Variants in ZNF619 observed in about 807,000 individuals in gnomAD.
ZNF619 encodes zinc finger protein 619.
ZNF619 carries 9 observed loss-of-function variants against 14.2 expected under a neutral mutation model. The observed-to-expected ratio is 0.64, with a 90% CI of 0.38 to 1.11. The LOEUF (loss-of-function observed/expected upper bound fraction) is 1.11. Among genes scored for constraint, ZNF619 ranks in the 50% least tolerant of loss-of-function variants. ZNF619 has a pLI of 0.01. For missense variants in ZNF619, 659 were observed against 680.1 expected, an observed-to-expected ratio of 0.97 and a Z score of 0.34; for synonymous variants, 246 against 252.8, an observed-to-expected ratio of 0.97 and a Z score of 0.26.
intron 4 of ZNF619, among the ~76,000 whole-genome samples, chr3:40,483,946 G>A (rs1244660457): frequency 1.4e-5 from 2 of 146,406 alleles, no homozygotes; most frequent in African/African-American, 5.0e-5. Flanking sequence ...TATTTTTTGA[G>A]TCAGAGTCTT....
intron 4 of ZNF619, among the ~76,000 whole-genome samples, chr3:40,485,434 T>C (rs189338232): frequency 6.6e-6 from 1 of 152,212 alleles, no homozygotes; most frequent in East Asian, 1.9e-4. Flanking sequence ...CATGAGTAGC[T>C]GGGATTACAG....
At position 40,490,358 on chromosome 3, in the gene ZNF619, G is replaced by C. The variant is rs1164500639; in HGVS notation, c.*2117G>C. On this transcript the variant is annotated 3_prime_UTR_variant, in exon 5 of 5. Transcript: ENST00000432264. ...AATGTAGAAGTGGCTTTGGAACTGA[G>C]TAATGGGTAGAGGCTTGAAAAATCT... The C allele has an allele frequency of 6.6e-6, 1 of 152,250 alleles. No individual in the cohort carries two copies. Among genetic ancestry groups the C allele is most frequent in the Non-Finnish European group, 1.5e-5 (1 of 68,054 alleles). 9.4% of individuals were successfully genotyped at this position (152,250 alleles called of 1,614,324 possible).
chr3:40,482,093 C>T (rs1275725873), intron 3 of ZNF619, 77 bp downstream of exon 3: 3 of 1,545,582 alleles, frequency 1.9e-6, no homozygotes, highest in Non-Finnish European at 2.6e-6. Flanking sequence ...GAACTAGGAT[C>T]TCTTTAATAC....
intron 4 of ZNF619, among the ~76,000 whole-genome samples, chr3:40,483,890 AG>A (rs1230838103): frequency 1.3e-5 from 2 of 152,258 alleles, no homozygotes; most frequent in Admixed American, 1.3e-4. Context: ...AGCCTCCCAA[AG>A]TGCTGGGATT....
chr3:40,489,536 A>G lies in ZNF619; in HGVS notation c.*1295A>G, dbSNP rs1208190448. 1 of 151,986 alleles carries G rather than the reference A, an allele frequency of 6.6e-6. No homozygotes were observed. Among genetic ancestry groups the G allele is most frequent in the African/African-American group, 2.4e-5 (1 of 41,382 alleles). 9.4% of individuals were successfully genotyped at this position (151,986 alleles called of 1,614,324 possible). On this transcript the variant is annotated 3_prime_UTR_variant, in exon 5 of 5. Transcript: ENST00000432264. ...AGTGCTGGGATTACAGGCTTGAGCC[A>G]CCATGTCCAGCCTCTATTCCTTTTC...
chr3:40,480,858 G>C (rs1697368314), intron 2 of ZNF619, among the ~76,000 whole-genome samples: 1 of 152,194 alleles, frequency 6.6e-6, no homozygotes, highest in Non-Finnish European at 1.5e-5. Context: ...TAAGTACAAA[G>C]AGAAGGTTGT....
At chr3:40,484,310 C>G (rs1416232806) in intron 4 of ZNF619, among the ~76,000 whole-genome samples, 1 of 152,128 alleles carries the variant, frequency 6.6e-6, no homozygotes. Flanking sequence ...TTCATAAACA[C>G]TGAATTTTAC....
chr3:40,479,035 C>G (rs1424985665), intron 2 of ZNF619, among the ~76,000 whole-genome samples: 1 of 152,156 alleles, frequency 6.6e-6, no homozygotes, highest in East Asian at 1.9e-4. Context: ...ACAAAAGTAT[C>G]AAGAGTCAAT....
intron 4 of ZNF619, chr3:40,483,857 A>G: frequency 3.3e-6 from 1 of 306,492 alleles, no homozygotes; most frequent in East Asian, 1.2e-4. Context: ...CGAACTCCCA[A>G]CCTCAGTTGA....
At chr3:40,486,135 G>A (rs1000997174) in intron 4 of ZNF619, among the ~76,000 whole-genome samples, 1 of 152,174 alleles carries the variant, frequency 6.6e-6, no homozygotes, top group South Asian at 2.1e-4. Flanking sequence ...ACTATGTGGT[G>A]CTAGAGCTGC....
At chr3:40,483,309 G>A (rs1056787636) in intron 4 of ZNF619, among the ~76,000 whole-genome samples, 90 of 100,898 alleles carry the variant, frequency 8.9e-4, no homozygotes, top group South Asian at 1.3e-3. Context: ...TTTTTTTTTT[G>A]AGATGGAGTC....
Position 40,482,059 on chromosome 3 carries a change from G to A in ZNF619, c.178+43G>A, listed in dbSNP as rs1697418494. The stretch of plus-strand genomic sequence containing the variant: ...TCTGAAACTCAGCTTCTGCCCTTGG[G>A]AGCTCCTAGATTCCTCCTTAGCAGA... On this transcript the variant is annotated intron_variant, in intron 3 of 4. Coordinates refer to ENST00000432264, the MANE Select transcript of ZNF619 (RefSeq NM_001145093.4). 5.7e-6 allele frequency: 9 copies of A among 1,566,036 alleles called. 1 individual carries two copies. In the East Asian group the frequency reaches 1.1e-4, roughly 19 times the overall value.
rs1255530357 is a variant in ZNF619, at chr3:40,490,100, TG to T, written c.*1860del. The T allele has an allele frequency of 6.6e-6, 1 of 152,172 alleles. No homozygotes were observed. Among genetic ancestry groups the T allele is most frequent in the East Asian group, 1.9e-4 (1 of 5,192 alleles). 9.4% of individuals were successfully genotyped at this position (152,172 alleles called of 1,614,324 possible). A position where few individuals can be genotyped will look rare whatever the true frequency, so the allele number is the denominator to read the frequency against. ...AGCAACTGGAACTGGGACACATGCT[TG>T]CTCTGTCTTGCCTTTTGATGCCTCC... On this transcript the variant is annotated 3_prime_UTR_variant, in exon 5 of 5. Transcript: ENST00000432264.
rs544202660 is a variant in ZNF619, at chr3:40,478,695, G to A, written c.24+692G>A. Among the ~76,000 whole-genome samples the A allele has an allele frequency of 4.6e-5, 7 of 152,238 alleles. No individual in the cohort carries two copies. The East Asian group carries it at 1.4e-3, about 29-fold the overall frequency. ...TTTCCCTCCAGTTTTCTTGGTGGTA[G>A]ATGATGGTTTTACTGGATTTTTCTC... is the stretch of plus-strand genomic sequence containing the variant. On this transcript the variant is annotated intron_variant, in intron 2 of 4. Coordinates refer to ENST00000432264, the MANE Select transcript of ZNF619 (RefSeq NM_001145093.4).
In ZNF619 at chr3:40,487,834, A is replaced by T. The variant is rs1697668464; in HGVS notation, c.1324A>T (p.Thr442Ser). The T allele has an allele frequency of 1.2e-6, 2 of 1,612,902 alleles. No homozygotes were observed. The highest frequency in any genetic ancestry group is 1.7e-6 in the Non-Finnish European group (2 of 1,179,750). ...TGGGAAGACATTCAGTCAAAAGATC[A>T]CTCTGGTTCAGCATCAGCGAGTTCA... Reference protein sequence around the residue: ...ECGKTFSQKITLVQHQRVHTG... With the variant: ...ECGKTFSQKISLVQHQRVHTG... Residue 442 changes from threonine to serine, a missense_variant, in exon 5 of 5, where the codon ACT becomes TCT. Thr to Ser is a moderately conservative substitution (Grantham distance 58, BLOSUM62 1). Transcript: ENST00000432264.
intron 3 of ZNF619, 146 bp downstream of exon 3, chr3:40,482,162 G>A: frequency 1.3e-6 from 2 of 1,545,100 alleles, no homozygotes; most frequent in Non-Finnish European, 1.7e-6. Flanking sequence ...GGGGTAGCTG[G>A]ATGGAGAAAG....
At chr3:40,480,995 C>G (rs1279986994) in intron 2 of ZNF619, among the ~76,000 whole-genome samples, 1 of 152,178 alleles carries the variant, frequency 6.6e-6, no homozygotes, top group Non-Finnish European at 1.5e-5. Context: ...GTAATAAATA[C>G]TCAAAGAGGA....
Position 40,488,327 on chromosome 3 carries a change from C to A in ZNF619, c.*86C>A. The stretch of plus-strand genomic sequence containing the variant: ...TTGTGTCTATTGATATTCCTCTGGT[C>A]TTGTCTTGTATAAGTTGTTACTGTT... On this transcript the variant is annotated 3_prime_UTR_variant, in exon 5 of 5. Coordinates refer to ENST00000432264, the MANE Select transcript of ZNF619 (RefSeq NM_001145093.4). The A allele has an allele frequency of 2.8e-6, 2 of 725,048 alleles. No homozygotes were observed. The highest frequency in any genetic ancestry group is 3.5e-5 in the South Asian group (2 of 57,372). 44.9% of individuals were successfully genotyped at this position (725,048 alleles called of 1,614,324 possible).
At position 40,487,633 on chromosome 3, in the gene ZNF619, A is replaced by G; in HGVS notation, c.1123A>G (p.Lys375Glu). The G allele has an allele frequency of 2.5e-6, 4 of 1,614,106 alleles. No homozygotes were observed. The highest frequency in any genetic ancestry group is 1.7e-6 in the Non-Finnish European group (2 of 1,179,978). The change falls in exon 5 of 5, where the codon AAA (lysine) becomes GAA (glutamate). Residue 375 changes from lysine to glutamate, a missense_variant. Coordinates refer to ENST00000432264, the MANE Select transcript of ZNF619 (RefSeq NM_001145093.4). The stretch of plus-strand genomic sequence containing the variant: ...CACTGGGGAGAAACCTTATGAATGT[A>G]AAGAGTGTGGCAAGGCCTTCCACCG... ...IHTGEKPYEC[K>E]ECGKAFHRSS...
Sources: allele counts gnomAD v4.1 joint callset (sites outside exome capture counted in the v4.1 genomes callset), GRCh38; gene constraint gnomAD v4.1.1; transcripts MANE v1.5; gene names NCBI Gene and HGNC (gene_info 2026-07-23, HGNC 2026-07-21).